C10orf90: variants seen among roughly 807,000 people sequenced by gnomAD.
The protein encoded by C10orf90 is (E2-independent) E3 ubiquitin-conjugating enzyme FATS.
In C10orf90, 56 loss-of-function variants were observed where a neutral mutation model predicts 62.5. The observed-to-expected ratio is 0.90, with a 90% confidence interval of 0.72 to 1.12. The LOEUF (loss-of-function observed/expected upper bound fraction) is 1.12, where lower values mean the gene tolerates loss of function less well. C10orf90 is among the 50% of genes most tolerant of loss of function. The pLI is 0.00. For missense variants in C10orf90, 970 were observed against 880.4 expected (o/e 1.10, Z -1.29); for synonymous variants, 386 against 340.4 (o/e 1.13, Z -1.47).
chr10:126,635,022 G>T (rs937905422), intron 2 of C10orf90, among the ~76,000 whole-genome samples: 3 of 152,162 alleles, frequency 2.0e-5, no homozygotes, highest in Admixed American at 6.5e-5. Context: ...CAAGAACAAG[G>T]CCTGGCCAAC....
intron 2 of C10orf90, among the ~76,000 whole-genome samples, chr10:126,639,398 C>T (rs1846015945): frequency 6.6e-6 from 1 of 152,208 alleles, no homozygotes; most frequent in African/African-American, 2.4e-5. Context: ...AAACCAGTGC[C>T]AGACGCCTGT....
intron 2 of C10orf90, among the ~76,000 whole-genome samples, chr10:126,533,263 C>T (rs112982608): frequency 0.011 from 1,679 of 152,204 alleles, 39 homozygotes; most frequent in African/African-American, 0.038. Flanking sequence ...CTCACATCAA[C>T]CCAGTGGGAC....
chr10:126,578,366 T>C (rs1217110189), intron 2 of C10orf90, among the ~76,000 whole-genome samples: 2 of 152,178 alleles, frequency 1.3e-5, no homozygotes, highest in East Asian at 3.8e-4. Flanking sequence ...TAATAGCTTA[T>C]AAGCAAAGGG....
At chr10:126,487,607 G>C (rs935321507) in intron 4 of C10orf90, among the ~76,000 whole-genome samples, 2 of 152,116 alleles carry the variant, frequency 1.3e-5, no homozygotes, top group African/African-American at 4.8e-5. Context: ...GTAAAACAAA[G>C]ATGTTTTTAG....
intron 4 of C10orf90, chr10:126,496,626 T>G: frequency 2.0e-6 from 2 of 982,702 alleles, no homozygotes; most frequent in Non-Finnish European, 1.2e-6. Flanking sequence ...CAAGTGGGGA[T>G]TCTAGTTTTA....
chr10:126,463,068 C>T (rs181150751), intron 5 of C10orf90, among the ~76,000 whole-genome samples: 1 of 151,902 alleles, frequency 6.6e-6, no homozygotes, highest in African/African-American at 2.4e-5. Flanking sequence ...GCCCCAACCC[C>T]CGTCCTGTGG....
chr10:126,612,422 A>G (rs182173448), intron 2 of C10orf90, among the ~76,000 whole-genome samples: 5 of 152,290 alleles, frequency 3.3e-5, no homozygotes, highest in Admixed American at 2.6e-4. Context: ...AGAAAGTTCT[A>G]TTGGATGGCA....
intron 2 of C10orf90, among the ~76,000 whole-genome samples, chr10:126,635,450 G>A (rs1223963436): frequency 2.6e-5 from 4 of 152,064 alleles, no homozygotes; most frequent in Non-Finnish European, 4.4e-5. Flanking sequence ...AATCACATTC[G>A]TGAGAGCCAT....
At chr10:126,604,662 A>G (rs1845269492) in intron 2 of C10orf90, among the ~76,000 whole-genome samples, 1 of 152,164 alleles carries the variant, frequency 6.6e-6, no homozygotes, top group Non-Finnish European at 1.5e-5. Context: ...TTTTTACCAC[A>G]TCTCTCCACA....
At chr10:126,462,620 C>G (rs1406358404) in intron 5 of C10orf90, among the ~76,000 whole-genome samples, 1 of 152,194 alleles carries the variant, frequency 6.6e-6, no homozygotes, top group Non-Finnish European at 1.5e-5. Flanking sequence ...TGGACCATAT[C>G]ATACCCACTC....
intron 2 of C10orf90, among the ~76,000 whole-genome samples, chr10:126,584,543 G>A (rs1844821211): frequency 6.6e-6 from 1 of 152,124 alleles, no homozygotes; most frequent in Non-Finnish European, 1.5e-5. Context: ...CAGAGCACAT[G>A]CAAGCCTGGT....
At chr10:126,619,706 C>T (rs1429631086) in intron 2 of C10orf90, among the ~76,000 whole-genome samples, 1 of 152,154 alleles carries the variant, frequency 6.6e-6, no homozygotes, top group East Asian at 1.9e-4. Context: ...GTGGTGCAAT[C>T]AAGGCTCACT....
intron 2 of C10orf90, among the ~76,000 whole-genome samples, chr10:126,528,651 C>T (rs571505838): frequency 5.8e-4 from 89 of 152,292 alleles, no homozygotes; most frequent in Middle Eastern, 3.4e-3. Flanking sequence ...GGGAGCCAAG[C>T]GAGTCACTTA....
Position 126,584,784 on chromosome 10 carries a change from T to A in C10orf90, c.313+61781A>T, listed in dbSNP as rs539047924. Among the ~76,000 whole-genome samples the A allele has an allele frequency of 6.8e-4, 104 of 152,302 alleles. No homozygotes were observed. In the Middle Eastern group the frequency reaches 0.017, roughly 25 times the overall value. On this transcript the variant is annotated intron_variant, in intron 2 of 9. Transcript: ENST00000488181. ...TTTAAAATCTTATAGTATTAGTTTTTAAGAATTTCTCACAATTCTGATTCC... is the reference window on the plus strand; with the variant it reads ...TTTAAAATCTTATAGTATTAGTTTTAAAGAATTTCTCACAATTCTGATTCC...
chr10:126,521,727 G>A (rs1306516812), intron 2 of C10orf90, among the ~76,000 whole-genome samples: 1 of 152,158 alleles, frequency 6.6e-6, no homozygotes, highest in East Asian at 1.9e-4. Context: ...TTTACAAATG[G>A]TTTATGTAGA....
chr10:126,482,061 A>C (rs1008392067), intron 4 of C10orf90, among the ~76,000 whole-genome samples: 2 of 152,176 alleles, frequency 1.3e-5, no homozygotes, highest in African/African-American at 2.4e-5. Context: ...TTTTTTGTCC[A>C]ATCACATTTC....
intron 4 of C10orf90, among the ~76,000 whole-genome samples, chr10:126,500,093 A>G (rs1488430008): frequency 6.6e-6 from 1 of 152,208 alleles, no homozygotes; most frequent in Non-Finnish European, 1.5e-5. Context: ...AATCGCATAA[A>G]ATGATATGGC....
At chr10:126,587,243 T>A (rs1434825697) in intron 2 of C10orf90, among the ~76,000 whole-genome samples, 1 of 152,242 alleles carries the variant, frequency 6.6e-6, no homozygotes, top group Non-Finnish European at 1.5e-5. Flanking sequence ...CATTTAAAGA[T>A]CTTTGACTTT....
At chr10:126,539,072 A>G (rs1402786283) in intron 2 of C10orf90, among the ~76,000 whole-genome samples, 1 of 152,170 alleles carries the variant, frequency 6.6e-6, no homozygotes, top group Non-Finnish European at 1.5e-5. Flanking sequence ...GGCCATGGGG[A>G]GAAAGAGCCT....
Sources: allele counts gnomAD v4.1 joint callset (sites outside exome capture counted in the v4.1 genomes callset), GRCh38; gene constraint gnomAD v4.1.1; transcripts MANE v1.5; gene names NCBI Gene and HGNC (gene_info 2026-07-23, HGNC 2026-07-21).